Variants in PIWIL1 observed in about 807,000 individuals in gnomAD.
The protein encoded by PIWIL1 is piwi-like protein 1.
A neutral mutation model predicts 114.4 loss-of-function variants in PIWIL1; 73 were observed. The observed-to-expected ratio is 0.64, with a 90% confidence interval of 0.53 to 0.78. The LOEUF is 0.78. PIWIL1 is among the 30% of genes least tolerant of loss of function. The pLI is 0.00. For synonymous variants in PIWIL1, 375 were observed against 369.0 expected (o/e 1.02, Z -0.19); for missense variants, 723 against 1,063.1 (o/e 0.68, Z 4.45).
chr12:130,373,355 C>G (rs760288036), downstream of PIWIL1, among the ~76,000 whole-genome samples: 1 of 152,174 alleles, frequency 6.6e-6, no homozygotes, highest in Admixed American at 6.5e-5. Flanking sequence ...TAGCAGGTCT[C>G]AGCTCTGCCT....
Position 130,346,966 on chromosome 12 carries a change from G to A in PIWIL1, c.557G>A (p.Arg186Gln), listed in dbSNP as rs755399300. 32 of 1,613,082 alleles carry A rather than the reference G, an allele frequency of 2.0e-5. No individual in the cohort carries two copies. Among genetic ancestry groups the A allele is most frequent in the South Asian group, 1.8e-4 (16 of 90,756 alleles). Reference sequence around the variant, plus strand: ...GTTACTGAAGTTTTTAGTAAGACCCGGAATGGAGAGGATGTGAGGATAACG... The same window carrying A: ...GTTACTGAAGTTTTTAGTAAGACCCAGAATGGAGAGGATGTGAGGATAACG... The part of the protein sequence containing the change: ...QKVTEVFSKT[R>Q]NGEDVRITIT... The change falls in exon 6 of 21, where the codon CGG becomes CAG. Residue 186 changes from arginine to glutamine, a missense_variant. Physicochemically the swap from Arg to Gln is conservative, Grantham distance 43. Transcript: ENST00000245255.
At chr12:130,376,213 A>G (rs2073865126), downstream of PIWIL1, among the ~76,000 whole-genome samples, 2 of 152,306 alleles carry the variant, frequency 1.3e-5, no homozygotes, top group Middle Eastern at 3.4e-3. Context: ...GAACTGCCTG[A>G]CACTCTTCAA....
chr12:130,378,741 T>C, the PIWIL1 span, among the ~76,000 whole-genome samples: 1 of 152,254 alleles, frequency 6.6e-6, no homozygotes. Context: ...TTTGTTTACA[T>C]GTTGGCCGTT....
chr12:130,421,189 T>C, the PIWIL1 span, among the ~76,000 whole-genome samples: 1 of 152,166 alleles, frequency 6.6e-6, no homozygotes, highest in Non-Finnish European at 1.5e-5. Flanking sequence ...GACACACGAA[T>C]TGAATGAAGA....
chr12:130,397,599 G>T, the PIWIL1 span: 1 of 398,648 alleles, frequency 2.5e-6, no homozygotes, highest in Non-Finnish European at 4.4e-6. Flanking sequence ...GCCAACAACA[G>T]AATTCACTTG....
At position 130,352,652 on chromosome 12, in the gene PIWIL1, A is replaced by G. The variant is rs542621483; in HGVS notation, c.1045-1885A>G. On this transcript the variant is annotated intron_variant, in intron 9 of 20. Coordinates refer to ENST00000245255, the MANE Select transcript of PIWIL1 (RefSeq NM_004764.5). ...CCGAGACAGCACTCCAGCCTGGGCGACAGAATGAAACTCTGTCTCAAATAA... is the reference window on the plus strand; with the variant it reads ...CCGAGACAGCACTCCAGCCTGGGCGGCAGAATGAAACTCTGTCTCAAATAA... Among the ~76,000 whole-genome samples, 9 of 152,192 alleles carry G rather than the reference A, an allele frequency of 5.9e-5. 1 individual carries two copies. In the South Asian group the frequency reaches 1.5e-3, roughly 25 times the overall value.
At chr12:130,340,414 G>A (rs374984771) in intron 1 of PIWIL1, among the ~76,000 whole-genome samples, 2 of 152,002 alleles carry the variant, frequency 1.3e-5, no homozygotes, top group African/African-American at 2.4e-5. Context: ...GTTCCACCTC[G>A]GATTATCAGG....
At chr12:130,410,514 T>C in the PIWIL1 span, among the ~76,000 whole-genome samples, 2 of 152,354 alleles carry the variant, frequency 1.3e-5, no homozygotes, top group Admixed American at 1.3e-4. Flanking sequence ...CTTGAAACTA[T>C]GATCCATTTT....
At chr12:130,392,378 G>C in the PIWIL1 span, among the ~76,000 whole-genome samples, 1 of 8,742 alleles carries the variant, frequency 1.1e-4, no homozygotes, top group South Asian at 3.0e-3. Context: ...GTCATCACAT[G>C]TGTCCGTCAG....
chr12:130,359,835 A>AGGTTCTACT (rs1410773662), intron 14 of PIWIL1, among the ~76,000 whole-genome samples: 1 of 152,228 alleles, frequency 6.6e-6, no homozygotes, highest in Non-Finnish European at 1.5e-5. Context: ...TGGTAAGGAA[A>AGGTTCTACT]ATTATGATAG....
intron 18 of PIWIL1, among the ~76,000 whole-genome samples, chr12:130,365,669 G>A (rs1044837843): frequency 2.6e-5 from 4 of 152,154 alleles, no homozygotes; most frequent in African/African-American, 9.7e-5. Flanking sequence ...ACCTGTTTTT[G>A]TTACTATATT....
the PIWIL1 span, among the ~76,000 whole-genome samples, chr12:130,384,823 C>A: frequency 6.6e-6 from 1 of 152,064 alleles, no homozygotes; most frequent in Non-Finnish European, 1.5e-5. Flanking sequence ...AAATAGATGA[C>A]CTTTTTAAAA....
chr12:130,350,164 G>T (rs1034830950), intron 9 of PIWIL1, among the ~76,000 whole-genome samples, 197 bp downstream of exon 9: 8 of 152,180 alleles, frequency 5.3e-5, no homozygotes, highest in African/African-American at 1.4e-4. Flanking sequence ...CACATAATGA[G>T]AAATGCCCTC....
At position 130,346,571 on chromosome 12, in the gene PIWIL1, G is replaced by A; in HGVS notation, c.518G>A (p.Arg173Lys). The change falls in exon 5 of 21, where the codon AGA becomes AAA. Residue 173 changes from arginine (R) to lysine (K), a missense_variant. Transcript: ENST00000245255. ...GGAACGATATTATTTTTACCTAAAAGACTACAGCAAAAGGTTATTTGGGAA... is the reference window on the plus strand; with the variant it reads ...GGAACGATATTATTTTTACCTAAAAAACTACAGCAAAAGGTTATTTGGGAA... ...FDGTILFLPK[R>K]LQQKVTEVFS... is the part of the protein sequence containing the mutation. The A allele has an allele frequency of 6.2e-7, 1 of 1,612,794 alleles. No homozygotes were observed. The highest frequency in any genetic ancestry group is 8.5e-7 in the Non-Finnish European group (1 of 1,178,928).
the PIWIL1 span, among the ~76,000 whole-genome samples, chr12:130,417,007 T>C: frequency 6.6e-6 from 1 of 152,194 alleles, no homozygotes; most frequent in Non-Finnish European, 1.5e-5. Context: ...ACATCACTAA[T>C]CATTAGAGAA....
chr12:130,418,657 C>T, the PIWIL1 span, among the ~76,000 whole-genome samples: 17 of 152,286 alleles, frequency 1.1e-4, no homozygotes, highest in Non-Finnish European at 2.2e-4. Context: ...GGCATCAAAA[C>T]GTGCAGAGGG....
the PIWIL1 span, chr12:130,407,644 C>T: frequency 9.4e-7 from 1 of 1,058,938 alleles, no homozygotes; most frequent in Admixed American, 1.7e-5. Flanking sequence ...GAGGTGAACA[C>T]ACGTGGCCTC....
downstream of PIWIL1, among the ~76,000 whole-genome samples, chr12:130,376,777 A>G (rs117265521): frequency 0.039 from 5,922 of 152,246 alleles, 184 homozygotes; most frequent in Non-Finnish European, 0.057. Context: ...ACTTTGGTCC[A>G]TTTTCAGCAA....
At chr12:130,408,627 A>G in the PIWIL1 span, among the ~76,000 whole-genome samples, 1 of 152,180 alleles carries the variant, frequency 6.6e-6, no homozygotes, top group Non-Finnish European at 1.5e-5. Flanking sequence ...GGACGTAAGG[A>G]GGCCTCAGTG....
Sources: allele counts gnomAD v4.1 joint callset (sites outside exome capture counted in the v4.1 genomes callset), GRCh38; gene constraint gnomAD v4.1.1; transcripts MANE v1.5; gene names NCBI Gene and HGNC (gene_info 2026-07-23, HGNC 2026-07-21).